CADPS2: variants seen among roughly 807,000 people sequenced by gnomAD.
CADPS2 encodes the protein calcium dependent secretion activator 2, also known as calcium-dependent secretion activator 2.
A neutral mutation model predicts 172.5 loss-of-function variants in CADPS2; 93 were observed. The observed-to-expected ratio is 0.54, with a 90% CI of 0.46 to 0.64. The LOEUF is 0.64. Ranked by LOEUF, CADPS2 falls within the 30% of genes least tolerant of loss-of-function variation. CADPS2 has a pLI of 0.00. For missense variants in CADPS2, 1,420 were observed against 1,565.9 expected, an observed-to-expected ratio of 0.91 and a Z score of 1.57; for synonymous variants, 546 against 555.2, an observed-to-expected ratio of 0.98 and a Z score of 0.23.
intron 2 of CADPS2, chr7:122,698,647 A>T: frequency 1.2e-6 from 2 of 1,614,016 alleles, no homozygotes; most frequent in Non-Finnish European, 1.7e-6. Context: ...TCGGCTGAAA[A>T]TGGTATTGGG....
In CADPS2 at chr7:122,697,014, T is replaced by C. The variant is rs138921975; in HGVS notation, c.454-33445A>G. Among the ~76,000 whole-genome samples the C allele has an allele frequency of 4.6e-5, 7 of 152,260 alleles. No individual in the cohort carries two copies. In the East Asian group the frequency reaches 1.4e-3, roughly 29 times the overall value. On this transcript the variant is annotated intron_variant, in intron 2 of 29. Coordinates refer to ENST00000449022, the MANE Select transcript of CADPS2 (RefSeq NM_017954.11). ...TCTGGCATAGATTAAACATTTTATTTAAGAAAACAAATTGGGGAGTGGGGA... is the reference window on the plus strand; with the variant it reads ...TCTGGCATAGATTAAACATTTTATTCAAGAAAACAAATTGGGGAGTGGGGA...
At chr7:122,716,987 G>A (rs910320872) in intron 2 of CADPS2, among the ~76,000 whole-genome samples, 1 of 152,112 alleles carries the variant, frequency 6.6e-6, no homozygotes, top group Non-Finnish European at 1.5e-5. Flanking sequence ...ACTCTGTAAC[G>A]TGGTATCATT....
intron 2 of CADPS2, among the ~76,000 whole-genome samples, chr7:122,710,082 CAA>C (rs35346695): frequency 7.1e-6 from 1 of 140,534 alleles, no homozygotes. Context: ...TCTGCCAACC[CAA>C]AAAAAAAAAA....
intron 15 of CADPS2, among the ~76,000 whole-genome samples, chr7:122,442,219 G>A (rs1234543855): frequency 6.6e-6 from 1 of 152,216 alleles, no homozygotes; most frequent in Non-Finnish European, 1.5e-5. Flanking sequence ...TTGTGAGTGG[G>A]CTACTCAGAA....
chr7:122,714,171 T>C (rs2089235708), intron 2 of CADPS2, among the ~76,000 whole-genome samples: 2 of 152,128 alleles, frequency 1.3e-5, no homozygotes, highest in Admixed American at 1.3e-4. Flanking sequence ...ATTATTATTG[T>C]TCTAGTAGTT....
intron 8 of CADPS2, among the ~76,000 whole-genome samples, chr7:122,536,062 T>C (rs894408093): frequency 2.0e-5 from 3 of 152,242 alleles, no homozygotes; most frequent in African/African-American, 7.2e-5. Flanking sequence ...TTGCCTTTTG[T>C]AATTGGGTTT....
chr7:122,699,720 C>G (rs2085723063), intron 2 of CADPS2, among the ~76,000 whole-genome samples: 1 of 152,102 alleles, frequency 6.6e-6, no homozygotes, highest in African/African-American at 2.4e-5. Context: ...GTAAGACTGA[C>G]AGGAGTAAAG....
chr7:122,749,561 T>A (rs1488405887), intron 1 of CADPS2, among the ~76,000 whole-genome samples: 2 of 152,174 alleles, frequency 1.3e-5, no homozygotes, highest in Non-Finnish European at 1.5e-5. Context: ...CACTTTAAAA[T>A]AATACATTTC....
Position 122,658,213 on chromosome 7 carries a change from T to G in CADPS2, c.786+5024A>C, listed in dbSNP as rs534832807. ...AGATACCATCTCACACCAGTTAGAATGGCAATCATTAAAAAGTCAGGAAAC... is the reference window on the plus strand; with the variant it reads ...AGATACCATCTCACACCAGTTAGAAGGGCAATCATTAAAAAGTCAGGAAAC... On this transcript the variant is annotated intron_variant, in intron 3 of 29. Transcript: ENST00000449022. 2.0e-5 allele frequency among the ~76,000 whole-genome samples: 3 copies of G among 152,256 alleles called. No homozygotes were observed. The East Asian group carries it at 5.8e-4, about 29-fold the overall frequency.
chr7:122,480,517 T>C (rs1182485328), intron 12 of CADPS2, among the ~76,000 whole-genome samples: 1 of 152,196 alleles, frequency 6.6e-6, no homozygotes. Flanking sequence ...GCTTCATCAA[T>C]TGGGTGTTTT....
intron 8 of CADPS2, among the ~76,000 whole-genome samples, chr7:122,537,877 A>G (rs1285576042): frequency 6.6e-6 from 1 of 151,866 alleles, no homozygotes. Flanking sequence ...TAATTTTAAA[A>G]AAGGATAAAA....
At chr7:122,510,268 A>C (rs1027636378) in intron 9 of CADPS2, among the ~76,000 whole-genome samples, 1 of 152,098 alleles carries the variant, frequency 6.6e-6, no homozygotes, top group Non-Finnish European at 1.5e-5. Context: ...TACCTTCATT[A>C]AAAAAAGAGG....
intron 12 of CADPS2, among the ~76,000 whole-genome samples, chr7:122,478,646 A>G (rs2056967822): frequency 6.6e-6 from 1 of 152,204 alleles, no homozygotes; most frequent in Non-Finnish European, 1.5e-5. Flanking sequence ...AAGGATAAGT[A>G]GGCTGACAGT....
At chr7:122,846,519 A>T (rs1812026066) in intron 1 of CADPS2, among the ~76,000 whole-genome samples, 1 of 152,352 alleles carries the variant, frequency 6.6e-6, no homozygotes, top group Admixed American at 6.5e-5. Context: ...TAATTGAACT[A>T]TATATTTATA....
intron 2 of CADPS2, among the ~76,000 whole-genome samples, chr7:122,678,763 G>T (rs187412854): frequency 9.8e-4 from 149 of 152,238 alleles, no homozygotes; most frequent in African/African-American, 3.4e-3. Context: ...TGTGACCTCT[G>T]GCCATAGGAC....
chr7:122,810,061 G>A (rs936661523), intron 1 of CADPS2, among the ~76,000 whole-genome samples: 6 of 152,158 alleles, frequency 3.9e-5, no homozygotes, highest in African/African-American at 1.2e-4. Flanking sequence ...TTGCAGTAGA[G>A]GACCTGATTA....
intron 9 of CADPS2, among the ~76,000 whole-genome samples, chr7:122,511,877 G>C (rs1474994948): frequency 6.6e-6 from 1 of 152,082 alleles, no homozygotes; most frequent in Non-Finnish European, 1.5e-5. Context: ...TTTAATTCAT[G>C]CACCAATGTC....
In CADPS2 at chr7:122,362,421, G is replaced by T. The variant is rs527627382; in HGVS notation, c.3388-1408C>A. On this transcript the variant is annotated intron_variant, in intron 25 of 29. Coordinates refer to ENST00000449022, the MANE Select transcript of CADPS2 (RefSeq NM_017954.11). ...TCCTCCATCAGTTAAATGGACTAGG[G>T]TGAGGGGGGTAGGATGTGGAATTCA... Among the ~76,000 whole-genome samples, 6 of 152,284 alleles carry T rather than the reference G, an allele frequency of 3.9e-5. No individual in the cohort carries two copies. The East Asian group carries it at 9.7e-4, about 25-fold the overall frequency.
intron 28 of CADPS2, among the ~76,000 whole-genome samples, chr7:122,339,647 G>C (rs949347842): frequency 6.6e-5 from 10 of 152,206 alleles, no homozygotes; most frequent in South Asian, 2.1e-4. Flanking sequence ...AGCACTTTGG[G>C]AGGTGGAGGC....
Sources: allele counts gnomAD v4.1 joint callset (sites outside exome capture counted in the v4.1 genomes callset), GRCh38; gene constraint gnomAD v4.1.1; transcripts MANE v1.5; gene names NCBI Gene and HGNC (gene_info 2026-07-23, HGNC 2026-07-21).